The following MAP3K4 variants were observed in gnomAD, a reference collection of about 807,000 sequenced individuals.
MAP3K4 encodes MAP three kinase 1.
A neutral mutation model predicts 185.6 loss-of-function variants in MAP3K4; 67 were observed. That is an observed-to-expected ratio of 0.36 (90% CI 0.30 to 0.44). MAP3K4 has a LOEUF of 0.44. Ranked by LOEUF, MAP3K4 falls within the 20% of genes least tolerant of loss-of-function variation. The pLI, the probability that MAP3K4 is intolerant of heterozygous loss-of-function variation, is 1.00. For synonymous variants in MAP3K4, 702 were observed against 710.4 expected (o/e 0.99, Z 0.19); for missense variants, 1,551 against 1,995.1 (o/e 0.78, Z 4.24).
Position 161,117,135 on chromosome 6 carries a change from G to A in MAP3K4, c.*265G>A, listed in dbSNP as rs1008152581. 16 of 457,268 alleles carry A rather than the reference G, an allele frequency of 3.5e-5. No individual in the cohort carries two copies. Among genetic ancestry groups the A allele is most frequent in the African/African-American group, 1.6e-4 (8 of 49,800 alleles). 28.3% of individuals were successfully genotyped at this position (457,268 alleles called of 1,614,324 possible). A position where few individuals can be genotyped will look rare whatever the true frequency, so the allele number is the denominator to read the frequency against. On this transcript the variant is annotated 3_prime_UTR_variant, in exon 27 of 27. Coordinates refer to ENST00000392142, the MANE Select transcript of MAP3K4 (RefSeq NM_005922.4). The stretch of plus-strand genomic sequence containing the variant: ...ACGGACCATCGCCTCTGTCTCCTCC[G>A]TGTCTCGCGCGACTGAGAACCGTGA...
chr6:160,992,616 G>A (rs1004483559), intron 1 of MAP3K4, among the ~76,000 whole-genome samples: 1 of 152,120 alleles, frequency 6.6e-6, no homozygotes, highest in Non-Finnish European at 1.5e-5. Context: ...TATGCAGACA[G>A]ATACGTTGCT....
At position 161,107,894 on chromosome 6, in the gene MAP3K4, C is replaced by A; in HGVS notation, c.4049-5C>A. ...GGAAGTGCAGCTTGTTTGCATTGTT[C>A]ACAGGAGAAGGCCAGTATGGGAAGG... On this transcript the variant is annotated splice_region_variant and splice_polypyrimidine_tract_variant and intron_variant, in intron 20 of 26. Coordinates refer to ENST00000392142, the MANE Select transcript of MAP3K4 (RefSeq NM_005922.4). This position sits in a 1 kb window ranked among gnomAD's most constrained non-coding sequence, Gnocchi z 6.2. 1 of 1,613,442 alleles carries A rather than the reference C, an allele frequency of 6.2e-7. No individual in the cohort carries two copies. The highest frequency in any genetic ancestry group is 1.1e-5 in the South Asian group (1 of 91,042).
At position 161,106,852 on chromosome 6, in the gene MAP3K4, G is replaced by T; in HGVS notation, c.4048+147G>T. The T allele has an allele frequency of 1.8e-6, 1 of 541,012 alleles. No homozygotes were observed. The highest frequency in any genetic ancestry group is 6.0e-5 in the South Asian group (1 of 16,656). 33.5% of individuals were successfully genotyped at this position (541,012 alleles called of 1,614,324 possible). On this transcript the variant is annotated intron_variant, in intron 20 of 26. Coordinates refer to ENST00000392142, the MANE Select transcript of MAP3K4 (RefSeq NM_005922.4). This position sits in a 1 kb window ranked among gnomAD's most constrained non-coding sequence, Gnocchi z 4.9. ...TTGTTATCTTTTTGCAAAGTGGTCT[G>T]GATTTTTTTTGGTTGTTTAATTTGT...
In MAP3K4 at chr6:161,077,512, G is replaced by A. The variant is rs1188694526; in HGVS notation, c.2098-3369G>A. Among the ~76,000 whole-genome samples the A allele has an allele frequency of 6.6e-6, 1 of 152,204 alleles. No individual in the cohort carries two copies. The highest frequency in any genetic ancestry group is 1.5e-5 in the Non-Finnish European group (1 of 68,028). ...TGGGAAAGGAGCCTGGCAAGAGCAA[G>A]GCACCGCAGGCAGCCTGTGGGGGCT... is the stretch of plus-strand genomic sequence containing the variant. On this transcript the variant is annotated intron_variant, in intron 5 of 26. Coordinates refer to ENST00000392142, the MANE Select transcript of MAP3K4 (RefSeq NM_005922.4). The surrounding 1 kb of genome is among the most constrained non-coding windows in gnomAD (Gnocchi z 4.3).
At chr6:161,003,669 A>C (rs1781438263) in intron 1 of MAP3K4, among the ~76,000 whole-genome samples, 1 of 152,168 alleles carries the variant, frequency 6.6e-6, no homozygotes, top group East Asian at 1.9e-4. Flanking sequence ...GTAGAACGAA[A>C]ACCTATCTGT....
Position 161,106,417 on chromosome 6 carries a change from G to A in MAP3K4, c.3857-97G>A. 1 of 799,072 alleles carries A rather than the reference G, an allele frequency of 1.3e-6. No homozygotes were observed. Among genetic ancestry groups the A allele is most frequent in the Non-Finnish European group, 2.0e-6 (1 of 503,312 alleles). 49.5% of individuals were successfully genotyped at this position (799,072 alleles called of 1,614,324 possible). ...AGATAATAAGCTTTGCTGTAATGGA[G>A]TGCTAATATATATTGCTCTATTTTT... On this transcript the variant is annotated intron_variant, in intron 19 of 26. Coordinates refer to ENST00000392142, the MANE Select transcript of MAP3K4 (RefSeq NM_005922.4). The surrounding 1 kb of genome is among the most constrained non-coding windows in gnomAD (Gnocchi z 4.9).
intron 3 of MAP3K4, among the ~76,000 whole-genome samples, chr6:161,068,051 A>C (rs902900497): frequency 2.0e-5 from 3 of 152,218 alleles, no homozygotes; most frequent in Admixed American, 1.3e-4. Context: ...CTTTTATAGG[A>C]GTATTTACCT....
chr6:161,082,608 C>G lies in MAP3K4; in HGVS notation c.2255+1570C>G, dbSNP rs905938634. 6.6e-6 allele frequency among the ~76,000 whole-genome samples: 1 copy of G among 152,072 alleles called. No homozygotes were observed. The highest frequency in any genetic ancestry group is 2.4e-5 in the African/African-American group (1 of 41,408). ...ATCTGTTGTATTAGAGCAGCAGCTC[C>G]GGCTTCAAACACTGTTTCTCCCAGG... On this transcript the variant is annotated intron_variant, in intron 6 of 26. Transcript: ENST00000392142. The surrounding 1 kb of genome is among the most constrained non-coding windows in gnomAD (Gnocchi z 4.2).
At chr6:160,998,949 G>A (rs978689605) in intron 1 of MAP3K4, among the ~76,000 whole-genome samples, 4 of 152,124 alleles carry the variant, frequency 2.6e-5, no homozygotes, top group Admixed American at 6.5e-5. Flanking sequence ...TTACAAGAAC[G>A]TTCATGTTTT....
intron 1 of MAP3K4, among the ~76,000 whole-genome samples, chr6:161,012,250 G>A (rs1299423010): frequency 6.6e-6 from 1 of 152,162 alleles, no homozygotes; most frequent in Non-Finnish European, 1.5e-5. Context: ...AACATTCTGT[G>A]TTCTTTCTCA....
At position 161,098,701 on chromosome 6, in the gene MAP3K4, G is replaced by A. The variant is rs903695376; in HGVS notation, c.3674+274G>A. ...AAGAATAACTTGATGGAGTATCATA[G>A]GAAAGGACTGGTCCACAACAGAAGG... is the stretch of plus-strand genomic sequence containing the variant. On this transcript the variant is annotated intron_variant, in intron 17 of 26. Coordinates refer to ENST00000392142, the MANE Select transcript of MAP3K4 (RefSeq NM_005922.4). The surrounding 1 kb of genome is among the most constrained non-coding windows in gnomAD (Gnocchi z 4.4). Among the ~76,000 whole-genome samples the A allele has an allele frequency of 7.9e-5, 12 of 152,194 alleles. No individual in the cohort carries two copies. The highest frequency in any genetic ancestry group is 1.2e-4 in the Non-Finnish European group (8 of 68,022).
At chr6:160,999,397 C>G (rs147618141) in intron 1 of MAP3K4, among the ~76,000 whole-genome samples, 3 of 152,268 alleles carry the variant, frequency 2.0e-5, no homozygotes, top group African/African-American at 7.2e-5. Context: ...ACTTGGTTTT[C>G]TCACACAATT....
intron 1 of MAP3K4, among the ~76,000 whole-genome samples, chr6:161,031,586 A>G (rs1480089818): frequency 6.6e-6 from 1 of 152,088 alleles, no homozygotes; most frequent in African/African-American, 2.4e-5. Flanking sequence ...CTGAGGTTTG[A>G]TATTATCAGT....
At chr6:160,992,152 C>G (rs1271766441) in intron 1 of MAP3K4, 69 bp downstream of exon 1, 1 of 1,433,052 alleles carries the variant, frequency 7.0e-7, no homozygotes, top group Non-Finnish European at 9.1e-7. Flanking sequence ...CTCGGTCGGG[C>G]CCGAGGGCCT....
In MAP3K4 at chr6:161,116,916, T is replaced by C. The variant is rs1356088746; in HGVS notation, c.*46T>C. 6.4e-7 allele frequency: 1 copy of C among 1,552,104 alleles called. No homozygotes were observed. Among genetic ancestry groups the C allele is most frequent in the Non-Finnish European group, 8.9e-7 (1 of 1,123,440 alleles). The stretch of plus-strand genomic sequence containing the variant: ...TGGAAAATTCTCTTAATCACTACTG[T>C]ATGTAATATTTACATAAAGACTGTG... On this transcript the variant is annotated 3_prime_UTR_variant, in exon 27 of 27. Transcript: ENST00000392142. The surrounding 1 kb of genome is among the most constrained non-coding windows in gnomAD (Gnocchi z 6.2).
At chr6:161,026,428 C>T (rs960107416) in intron 1 of MAP3K4, among the ~76,000 whole-genome samples, 2 of 152,134 alleles carry the variant, frequency 1.3e-5, no homozygotes, top group Non-Finnish European at 2.9e-5. Flanking sequence ...AGCCACCGTG[C>T]CCGGTCAGAA....
rs1273247151 is a variant in MAP3K4 at position 161,074,115 on chromosome 6, A to G, written c.2097+503A>G. On this transcript the variant is annotated intron_variant, in intron 5 of 26. Transcript: ENST00000392142. This position sits in a 1 kb window ranked among gnomAD's most constrained non-coding sequence, Gnocchi z 5.0. ...AGTCTGGTGGGACTAGGCATGGTAGATGGTAACGCCCCCGAGGGCTCGGTG... is the reference window on the plus strand; with the variant it reads ...AGTCTGGTGGGACTAGGCATGGTAGGTGGTAACGCCCCCGAGGGCTCGGTG... Among the ~76,000 whole-genome samples the G allele has an allele frequency of 3.3e-5, 5 of 152,168 alleles. No individual in the cohort carries two copies. Among genetic ancestry groups the G allele is most frequent in the African/African-American group, 1.2e-4 (5 of 41,420 alleles).
chr6:161,081,078 T>G (rs1196849349), intron 6 of MAP3K4, 40 bp downstream of exon 6: 2 of 1,593,962 alleles, frequency 1.3e-6, no homozygotes, highest in African/African-American at 1.3e-5. Flanking sequence ...GCTCCCACCT[T>G]CTCACTCTCA....
At chr6:161,029,555 G>A (rs970706082) in intron 1 of MAP3K4, among the ~76,000 whole-genome samples, 5 of 152,162 alleles carry the variant, frequency 3.3e-5, no homozygotes, top group Admixed American at 6.6e-5. Context: ...AATGTTTTAC[G>A]TGACTGTCAG....
Sources: gnomAD v4.1 joint callset for allele counts (sites outside exome capture counted in the v4.1 genomes callset) on GRCh38, gnomAD v4.1.1 for gene constraint, Gnocchi (gnomAD v3.1) non-coding constraint, MANE v1.5 for transcripts, NCBI Gene and HGNC (gene_info 2026-07-23, HGNC 2026-07-21) for gene names.